Variants in TTC28 observed in about 807,000 individuals in gnomAD.
The protein encoded by TTC28 is tetratricopeptide repeat protein 28.
TTC28 carries 61 observed loss-of-function variants against 198.0 expected under a neutral mutation model. That is an observed-to-expected ratio of 0.31 (90% confidence interval 0.25 to 0.38). The LOEUF (loss-of-function observed/expected upper bound fraction) is 0.38, where lower values mean the gene tolerates loss of function less well. Ranked by LOEUF, TTC28 falls within the 10% of genes least tolerant of loss-of-function variation. The pLI is 1.00. For missense variants in TTC28, 2,678 were observed against 3,164.0 expected (o/e 0.85, Z 3.69); for synonymous variants, 1,171 against 1,297.8 (o/e 0.90, Z 2.10).
At chr22:28,609,834 C>G (rs1165949411) in intron 2 of TTC28, among the ~76,000 whole-genome samples, 1 of 152,238 alleles carries the variant, frequency 6.6e-6, no homozygotes, top group East Asian at 1.9e-4. Flanking sequence ...TTAAAATCTA[C>G]TGACTTGAAA....
intron 2 of TTC28, among the ~76,000 whole-genome samples, chr22:28,481,339 C>A (rs1410046318): frequency 6.6e-6 from 1 of 152,064 alleles, no homozygotes; most frequent in Non-Finnish European, 1.5e-5. Flanking sequence ...TCAGAGATGC[C>A]TATAATACGG....
chr22:28,059,033 T>C (rs1940405759), intron 12 of TTC28, among the ~76,000 whole-genome samples: 1 of 152,044 alleles, frequency 6.6e-6, no homozygotes, highest in African/African-American at 2.4e-5. Flanking sequence ...AATTTTTTGC[T>C]CTTTCCAAAG....
chr22:28,231,463 G>A (rs543817690), intron 5 of TTC28, among the ~76,000 whole-genome samples: 4 of 152,240 alleles, frequency 2.6e-5, no homozygotes, highest in South Asian at 4.2e-4. Flanking sequence ...CCCTGAAGAG[G>A]TCAAAATATA....
chr22:28,607,736 A>G (rs1033912028), intron 2 of TTC28, among the ~76,000 whole-genome samples: 1 of 152,222 alleles, frequency 6.6e-6, no homozygotes, highest in Non-Finnish European at 1.5e-5. Context: ...AAATACAGAT[A>G]GTACCACCTA....
intron 2 of TTC28, among the ~76,000 whole-genome samples, chr22:28,316,241 C>G (rs1465469619): frequency 6.6e-6 from 1 of 152,152 alleles, no homozygotes; most frequent in Non-Finnish European, 1.5e-5. Flanking sequence ...TCTGTGCCTG[C>G]AGGCTGTTCT....
intron 2 of TTC28, among the ~76,000 whole-genome samples, chr22:28,557,813 C>A (rs1302021278): frequency 6.6e-6 from 1 of 152,132 alleles, no homozygotes; most frequent in Non-Finnish European, 1.5e-5. Context: ...TTTGCTTCTT[C>A]CAGGAACTAT....
rs534145287 is a variant in TTC28 at position 28,141,760 on chromosome 22, G to C, written c.1441+21332C>G. The stretch of plus-strand genomic sequence containing the variant: ...TTTTCACGACAAGTCCAAGAATTTG[G>C]TTAGATTATTTTTGCCATATAAAGG... On this transcript the variant is annotated intron_variant, in intron 6 of 22. Coordinates refer to ENST00000397906, the MANE Select transcript of TTC28 (RefSeq NM_001145418.2). Among the ~76,000 whole-genome samples, 3 of 152,042 alleles carry C rather than the reference G, an allele frequency of 2.0e-5. No individual in the cohort carries two copies. The South Asian group carries it at 6.3e-4, about 32-fold the overall frequency.
chr22:28,256,505 G>A (rs1930930483), intron 5 of TTC28, among the ~76,000 whole-genome samples: 2 of 150,826 alleles, frequency 1.3e-5, no homozygotes, highest in South Asian at 4.2e-4. Flanking sequence ...AAGAGTTAAA[G>A]AAAGTAAAGA....
At chr22:28,167,386 C>A (rs1265415172) in intron 5 of TTC28, among the ~76,000 whole-genome samples, 1 of 152,146 alleles carries the variant, frequency 6.6e-6, no homozygotes, top group African/African-American at 2.4e-5. Flanking sequence ...AATTTTAGAC[C>A]AATATCCCTG....
chr22:28,625,887 C>CTTAT (rs1255294733), intron 2 of TTC28, among the ~76,000 whole-genome samples: 2 of 152,050 alleles, frequency 1.3e-5, no homozygotes, highest in Non-Finnish European at 2.9e-5. Context: ...TAACTCCATA[C>CTTAT]TTATATGGTC....
intron 2 of TTC28, among the ~76,000 whole-genome samples, chr22:28,611,518 T>A (rs1394608974): frequency 1.3e-4 from 20 of 150,292 alleles, no homozygotes; most frequent in South Asian, 4.3e-4. Context: ...TTTTTTTTTT[T>A]TTATTATACT....
chr22:28,658,084 A>C (rs2145689722), intron 1 of TTC28, among the ~76,000 whole-genome samples: 1 of 152,350 alleles, frequency 6.6e-6, no homozygotes, highest in East Asian at 1.9e-4. Flanking sequence ...TTAAGGATTC[A>C]GAATTACAAA....
intron 2 of TTC28, among the ~76,000 whole-genome samples, chr22:28,308,425 C>A (rs2045187076): frequency 6.6e-6 from 1 of 151,984 alleles, no homozygotes; most frequent in Non-Finnish European, 1.5e-5. Flanking sequence ...TATTAAGAGA[C>A]ACAAAAAATG....
At chr22:28,625,370 G>A (rs768619752) in intron 2 of TTC28, among the ~76,000 whole-genome samples, 4 of 152,128 alleles carry the variant, frequency 2.6e-5, no homozygotes, top group Non-Finnish European at 5.9e-5. Context: ...AGGGTCACAT[G>A]ACACAAAGTA....
At chr22:28,104,549 G>C (rs1324812381) in intron 8 of TTC28, among the ~76,000 whole-genome samples, 1 of 152,200 alleles carries the variant, frequency 6.6e-6, no homozygotes, top group East Asian at 1.9e-4. Flanking sequence ...TTCAAGAGCA[G>C]AAAGCCTCAT....
intron 5 of TTC28, among the ~76,000 whole-genome samples, chr22:28,212,202 T>C (rs1032998055): frequency 6.6e-5 from 10 of 151,648 alleles, no homozygotes; most frequent in Non-Finnish European, 1.2e-4. Context: ...CACCTGAACA[T>C]CACAATTAAA....
chr22:28,045,795 C>T (rs577909731), intron 12 of TTC28, among the ~76,000 whole-genome samples: 1 of 152,284 alleles, frequency 6.6e-6, no homozygotes, highest in African/African-American at 2.4e-5. Flanking sequence ...GAAACCTTGT[C>T]TCTACTAAAA....
intron 5 of TTC28, among the ~76,000 whole-genome samples, chr22:28,270,233 G>A (rs775769565): frequency 7.2e-5 from 11 of 152,054 alleles, no homozygotes; most frequent in Non-Finnish European, 1.0e-4. Flanking sequence ...ACAAAAGGCC[G>A]ATGACAAAAA....
At chr22:28,623,741 T>A (rs2051035899) in intron 2 of TTC28, among the ~76,000 whole-genome samples, 1 of 152,096 alleles carries the variant, frequency 6.6e-6, no homozygotes, top group Non-Finnish European at 1.5e-5. Flanking sequence ...AACAATAAGA[T>A]AACTAAGAAA....
Sources: gnomAD v4.1 joint callset for allele counts (sites outside exome capture counted in the v4.1 genomes callset) on GRCh38, gnomAD v4.1.1 for gene constraint, MANE v1.5 for transcripts, NCBI Gene and HGNC (gene_info 2026-07-23, HGNC 2026-07-21) for gene names.